Variants in MAN2B2 observed in about 807,000 individuals in gnomAD.
The protein encoded by MAN2B2 is epididymis-specific alpha-mannosidase.
A neutral mutation model predicts 117.1 loss-of-function variants in MAN2B2; 106 were observed. The observed-to-expected ratio is 0.90, with a 90% CI of 0.77 to 1.06. The LOEUF is 1.06. MAN2B2 is among the 50% of genes least tolerant of loss of function. MAN2B2 has a pLI of 0.00. For synonymous variants in MAN2B2, 544 were observed against 595.1 expected (o/e 0.91, Z 1.25); for missense variants, 1,326 against 1,381.4 (o/e 0.96, Z 0.64).
Position 6,619,965 on chromosome 4 carries a change from G to A in MAN2B2, c.2853G>A (p.Glu951=). The A allele has an allele frequency of 2.5e-6, 4 of 1,614,000 alleles. No homozygotes were observed. Among genetic ancestry groups the A allele is most frequent in the Admixed American group, 1.7e-5 (1 of 60,018 alleles). Residue 951 remains glutamate (E), a synonymous_variant, in exon 18 of 19, where the codon GAG becomes GAA. Transcript: ENST00000285599. The part of the protein sequence containing the change: ...LQALGSVVAV[E]ERSLTGTWDL... Reference sequence around the variant, plus strand: ...CGCTGGGGTCCGTGGTGGCAGTGGAGGAGCGCTCGCTCACAGGGACCTGGG... The same window carrying A: ...CGCTGGGGTCCGTGGTGGCAGTGGAAGAGCGCTCGCTCACAGGGACCTGGG...
chr4:6,616,806 G>T (rs2108759965), intron 16 of MAN2B2, among the ~76,000 whole-genome samples: 1 of 152,272 alleles, frequency 6.6e-6, no homozygotes, highest in East Asian at 1.9e-4. Context: ...TCCTCCCTCT[G>T]CCGCGCACCA....
chr4:6,576,288 C>T (rs2108854551), intron 1 of MAN2B2, among the ~76,000 whole-genome samples: 1 of 152,310 alleles, frequency 6.6e-6, no homozygotes, highest in South Asian at 2.1e-4. Context: ...CAAGGCCCAG[C>T]TTGCTCACCC....
At chr4:6,586,318 C>T (rs2108738001) in intron 3 of MAN2B2, among the ~76,000 whole-genome samples, 1 of 152,320 alleles carries the variant, frequency 6.6e-6, no homozygotes, top group East Asian at 1.9e-4. Flanking sequence ...ACCTCAGCCT[C>T]CCAAAGTGCC....
Position 6,593,280 on chromosome 4 carries a change from C to T in MAN2B2, c.788C>T (p.Ala263Val), listed in dbSNP as rs1246175822. 3.7e-6 allele frequency: 6 copies of T among 1,614,002 alleles called. No homozygotes were observed. Among genetic ancestry groups the T allele is most frequent in the Non-Finnish European group, 5.1e-6 (6 of 1,179,954 alleles). The change falls in exon 6 of 19, where the codon GCC becomes GTC. Residue 263 changes from alanine to valine, a missense_variant. Physicochemically the swap from Ala to Val is moderately conservative, Grantham distance 64. Coordinates refer to ENST00000285599, the MANE Select transcript of MAN2B2 (RefSeq NM_015274.3). ...ACCCCAGCCAACATCAACCTCTATG[C>T]CGAGGCCCTGGTGGCCAACGTGAAG... ...PVTPANINLY[A>V]EALVANVKQR...
intron 7 of MAN2B2, among the ~76,000 whole-genome samples, chr4:6,596,156 C>T (rs533484038): frequency 2.2e-4 from 30 of 139,130 alleles, no homozygotes; most frequent in African/African-American, 7.4e-4. Flanking sequence ...TCCAGGTGGG[C>T]GTGGTATCCA....
intron 11 of MAN2B2, among the ~76,000 whole-genome samples, chr4:6,607,779 C>G (rs1411130947): frequency 1.3e-5 from 2 of 152,172 alleles, no homozygotes; most frequent in East Asian, 3.8e-4. Context: ...CAAGCTAACT[C>G]TATGTTTAAC....
chr4:6,576,567 C>A lies in MAN2B2; in HGVS notation c.139-11C>A. 1 of 1,610,214 alleles carries A rather than the reference C, an allele frequency of 6.2e-7. No individual in the cohort carries two copies. Among genetic ancestry groups the A allele is most frequent in the African/African-American group, 1.3e-5 (1 of 75,002 alleles). On this transcript the variant is annotated splice_polypyrimidine_tract_variant and intron_variant, in intron 1 of 18. Coordinates refer to ENST00000285599, the MANE Select transcript of MAN2B2 (RefSeq NM_015274.3). ...TGGACCGGGGCTGGCATGATGCTGTCCCCTCCCCAGGAAAGCATGCGGGCG... is the reference window on the plus strand; with the variant it reads ...TGGACCGGGGCTGGCATGATGCTGTACCCTCCCCAGGAAAGCATGCGGGCG...
intron 2 of MAN2B2, among the ~76,000 whole-genome samples, chr4:6,577,768 C>A (rs1186869039): frequency 6.6e-6 from 1 of 152,246 alleles, no homozygotes; most frequent in Admixed American, 6.5e-5. Context: ...GCATGGCCTG[C>A]ATGGCCCAGT....
rs200380914 is a variant in MAN2B2, at chr4:6,619,940, C to T, written c.2828C>T (p.Ala943Val). ...CTCTCCCTGCAGGCTGTGCTGCAGG[C>T]GCTGGGGTCCGTGGTGGCAGTGGAG... ...VTVNLEAVLQ[A>V]LGSVVAVEER... The change falls in exon 18 of 19, where the codon GCG (alanine) becomes GTG (valine). Residue 943 changes from alanine to valine, a missense_variant. Ala to Val is a moderately conservative substitution (Grantham distance 64). Transcript: ENST00000285599. The T allele has an allele frequency of 1.2e-5, 19 of 1,613,744 alleles. No individual in the cohort carries two copies. The highest frequency in any genetic ancestry group is 4.0e-5 in the African/African-American group (3 of 75,034).
chr4:6,610,081 C>G, intron 13 of MAN2B2, 31 bp downstream of exon 13: 1 of 1,610,930 alleles, frequency 6.2e-7, no homozygotes, highest in Non-Finnish European at 8.5e-7. Flanking sequence ...AAGGCACGCT[C>G]CCAATGGCGC....
chr4:6,614,445 T>G (rs1259782032), intron 16 of MAN2B2, 90 bp downstream of exon 16: 59 of 1,481,446 alleles, frequency 4.0e-5, no homozygotes, highest in Non-Finnish European at 5.3e-5. Flanking sequence ...GGGCTCACCT[T>G]AGAGCTATCA....
At chr4:6,613,764 AAG>A (rs1237866745) in intron 15 of MAN2B2, among the ~76,000 whole-genome samples, 1 of 132,886 alleles carries the variant, frequency 7.5e-6, no homozygotes. Context: ...AAAAGAAAAG[AAG>A]AGAGGGAGGG....
chr4:6,617,846 AG>A (rs200205547), intron 17 of MAN2B2: 16,260 of 108,184 alleles, frequency 0.15, 625 homozygotes, highest in East Asian at 0.2. Context: ...ACGATGGCTA[AG>A]TTTTTTTTTT....
chr4:6,601,943 C>T (rs1324138204), intron 10 of MAN2B2, among the ~76,000 whole-genome samples: 1 of 152,196 alleles, frequency 6.6e-6, no homozygotes, highest in African/African-American at 2.4e-5. Flanking sequence ...CCCAGGGACA[C>T]ACAGCCGTTG....
rs767083911 is a variant in MAN2B2 at position 6,622,404 on chromosome 4, T to C, written c.*1119T>C. 2.0e-5 allele frequency: 3 copies of C among 151,982 alleles called. No individual in the cohort carries two copies. Among genetic ancestry groups the C allele is most frequent in the Non-Finnish European group, 4.4e-5 (3 of 68,018 alleles). 9.4% of individuals were successfully genotyped at this position (151,982 alleles called of 1,614,324 possible). ...TGAATTAAAAACTTTGGAAGATGAA[T>C]TTTATGGTCTGTGAATTATATCTCA... On this transcript the variant is annotated 3_prime_UTR_variant, in exon 19 of 19. Coordinates refer to ENST00000285599, the MANE Select transcript of MAN2B2 (RefSeq NM_015274.3).
intron 11 of MAN2B2, among the ~76,000 whole-genome samples, chr4:6,608,903 G>A (rs1375739468): frequency 1.3e-5 from 2 of 152,170 alleles, no homozygotes; most frequent in Admixed American, 1.3e-4. Context: ...CTCCTCGTTT[G>A]TGACCCATTC....
intron 16 of MAN2B2, among the ~76,000 whole-genome samples, chr4:6,614,804 C>T (rs183920536): frequency 5.3e-5 from 8 of 152,332 alleles, no homozygotes; most frequent in Admixed American, 2.0e-4. Flanking sequence ...TGCCAGGCTC[C>T]GGGGAATGAG....
Position 6,622,013 on chromosome 4 carries a change from C to G in MAN2B2, c.*728C>G, listed in dbSNP as rs1179150313. The G allele has an allele frequency of 7.2e-5, 11 of 152,284 alleles. No homozygotes were observed. The highest frequency in any genetic ancestry group is 7.2e-4 in the Admixed American group (11 of 15,284). 9.4% of individuals were successfully genotyped at this position (152,284 alleles called of 1,614,324 possible). A position where few individuals can be genotyped will look rare whatever the true frequency, so the allele number is the denominator to read the frequency against. ...ACCTGTGCTCCCGCGTTCATAGCAG[C>G]ATTACTCAAAAGTCAAACGGTAGCA... On this transcript the variant is annotated 3_prime_UTR_variant, in exon 19 of 19. Transcript: ENST00000285599.
chr4:6,579,159 TCACCAC>T (rs1246929628), intron 3 of MAN2B2, among the ~76,000 whole-genome samples: 1 of 18,060 alleles, frequency 5.5e-5, no homozygotes, highest in Non-Finnish European at 1.3e-4. Flanking sequence ...ACCATCACCA[TCACCAC>T]CACCACCACC....
Sources: gnomAD v4.1 joint callset for allele counts (sites outside exome capture counted in the v4.1 genomes callset) on GRCh38, gnomAD v4.1.1 for gene constraint, MANE v1.5 for transcripts, NCBI Gene and HGNC (gene_info 2026-07-23, HGNC 2026-07-21) for gene names.